The following SPAG16 variants were observed in gnomAD, a reference collection of about 807,000 sequenced individuals.
The protein encoded by SPAG16 is sperm-associated antigen 16 protein.
Under a neutral mutation model 80.4 loss-of-function variants are expected in SPAG16, and 86 were observed. That is an observed-to-expected ratio of 1.07 (90% CI 0.90 to 1.28). The LOEUF (loss-of-function observed/expected upper bound fraction) is 1.28. Among genes scored for constraint, SPAG16 ranks in the 50% most tolerant of loss-of-function variants. The probability of loss-of-function intolerance (pLI) is 0.00; values close to 1 mark genes in which losing one functional copy is unlikely to be tolerated. For missense variants in SPAG16, 870 were observed against 765.3 expected (o/e 1.14, Z -1.61); for synonymous variants, 294 against 265.9 (o/e 1.11, Z -1.03).
chr2:213,509,721 A>G (rs1346739946), intron 10 of SPAG16, among the ~76,000 whole-genome samples: 1 of 152,200 alleles, frequency 6.6e-6, no homozygotes, highest in African/African-American at 2.4e-5. Context: ...AGCATGAAAG[A>G]TCTAAAATTG....
intron 15 of SPAG16, among the ~76,000 whole-genome samples, chr2:214,312,520 T>C (rs1695404958): frequency 6.6e-6 from 1 of 152,160 alleles, no homozygotes; most frequent in Admixed American, 6.5e-5. Context: ...TTATTTAGTA[T>C]AGGTCTAGCA....
chr2:214,077,946 C>A (rs1431669697), intron 13 of SPAG16, among the ~76,000 whole-genome samples: 2 of 152,198 alleles, frequency 1.3e-5, no homozygotes, highest in Admixed American at 6.5e-5. Context: ...CCTCACTTCT[C>A]TTTCTCTCAT....
chr2:213,489,171 A>G (rs781523583), intron 9 of SPAG16, among the ~76,000 whole-genome samples: 4 of 152,252 alleles, frequency 2.6e-5, no homozygotes, highest in Non-Finnish European at 5.9e-5. Flanking sequence ...AATTCATGAT[A>G]TGAGCCTTCT....
intron 10 of SPAG16, among the ~76,000 whole-genome samples, chr2:213,607,758 A>G (rs144212727): frequency 1.1e-3 from 171 of 152,318 alleles, no homozygotes; most frequent in Non-Finnish European, 2.0e-3. Flanking sequence ...TTGGGATTCT[A>G]TCTAGGAGGG....
At chr2:213,901,130 T>C (rs1575498480) in intron 11 of SPAG16, among the ~76,000 whole-genome samples, 1 of 152,318 alleles carries the variant, frequency 6.6e-6, no homozygotes, top group South Asian at 2.1e-4. Context: ...AGGAGTCAGA[T>C]TAATATTTAA....
chr2:213,532,592 G>T (rs1169472520), intron 10 of SPAG16, among the ~76,000 whole-genome samples: 2 of 151,740 alleles, frequency 1.3e-5, no homozygotes, highest in Non-Finnish European at 2.9e-5. Context: ...CTCCTGAGTA[G>T]CTGGGACTAC....
intron 15 of SPAG16, among the ~76,000 whole-genome samples, chr2:214,175,103 T>C (rs2057024229): frequency 6.6e-6 from 1 of 151,290 alleles, no homozygotes; most frequent in Non-Finnish European, 1.5e-5. Context: ...AAATTGATTC[T>C]GCTATCTCTC....
chr2:213,783,101 A>G (rs991209726), intron 10 of SPAG16, among the ~76,000 whole-genome samples: 2 of 139,200 alleles, frequency 1.4e-5, no homozygotes, highest in East Asian at 2.1e-4. Context: ...CCTGTGTCCA[A>G]GTGATCTCAT....
chr2:213,932,147 CATATATATATATATATATATATATATAT>C (rs61264162), intron 12 of SPAG16, among the ~76,000 whole-genome samples: 30 of 30,572 alleles, frequency 9.8e-4, no homozygotes, highest in Non-Finnish European at 1.9e-3. Flanking sequence ...CTTGATACTG[CATATATATATATATATATATATATATAT>C]ATATATATAT....
At chr2:214,100,406 G>C (rs187612142) in intron 13 of SPAG16, among the ~76,000 whole-genome samples, 1 of 151,940 alleles carries the variant, frequency 6.6e-6, no homozygotes, top group Non-Finnish European at 1.5e-5. Flanking sequence ...TTTAGGTTCA[G>C]GGGTACATGT....
At chr2:213,576,398 T>C (rs2060127016) in intron 10 of SPAG16, among the ~76,000 whole-genome samples, 1 of 152,056 alleles carries the variant, frequency 6.6e-6, no homozygotes, top group Non-Finnish European at 1.5e-5. Context: ...ATTCAGCCAT[T>C]GAGGAAGACA....
chr2:213,629,492 G>C (rs1052048250), intron 10 of SPAG16, among the ~76,000 whole-genome samples: 2 of 152,232 alleles, frequency 1.3e-5, no homozygotes, highest in Admixed American at 1.3e-4. Flanking sequence ...AACACAAGGA[G>C]AGAATCCTGA....
chr2:214,236,510 G>A (rs1291369440), intron 15 of SPAG16, among the ~76,000 whole-genome samples: 1 of 151,946 alleles, frequency 6.6e-6, no homozygotes, highest in Non-Finnish European at 1.5e-5. Context: ...AAATTAGCCG[G>A]GCATGGGGGC....
intron 15 of SPAG16, among the ~76,000 whole-genome samples, chr2:214,193,476 C>T (rs902261997): frequency 6.8e-6 from 1 of 147,686 alleles, no homozygotes; most frequent in African/African-American, 2.5e-5. Flanking sequence ...GGGTAGAGCT[C>T]AAAGCTATGT....
chr2:213,355,842 C>T (rs375459832), intron 7 of SPAG16, among the ~76,000 whole-genome samples: 3 of 152,080 alleles, frequency 2.0e-5, no homozygotes, highest in East Asian at 1.9e-4. Context: ...TTTTTCTAAT[C>T]GAATCCCCTT....
In SPAG16 at chr2:213,322,073, TA is replaced by T. The variant is rs2063633173; in HGVS notation, c.536+4722del. 2.1e-5 allele frequency among the ~76,000 whole-genome samples: 3 copies of T among 145,998 alleles called. No homozygotes were observed. The South Asian group carries it at 6.5e-4, about 32-fold the overall frequency. On this transcript the variant is annotated intron_variant, in intron 5 of 15. Coordinates refer to ENST00000331683, the MANE Select transcript of SPAG16 (RefSeq NM_024532.5). The stretch of plus-strand genomic sequence containing the variant: ...ATGTACCCTAAAACTTAAAGTATAA[TA>T]AAAATAAATAAATAAATAAATAAAA...
chr2:214,374,546 C>T (rs890360966), intron 15 of SPAG16, among the ~76,000 whole-genome samples: 2 of 152,156 alleles, frequency 1.3e-5, no homozygotes, highest in African/African-American at 4.8e-5. Context: ...TATTTGGTAT[C>T]ATAAACTCTT....
intron 9 of SPAG16, among the ~76,000 whole-genome samples, chr2:213,425,416 G>A (rs2069851073): frequency 6.6e-6 from 1 of 152,188 alleles, no homozygotes; most frequent in African/African-American, 2.4e-5. Flanking sequence ...TTGGGAGGCT[G>A]AGGTGGGTGG....
chr2:214,281,989 T>G (rs1692974711), intron 15 of SPAG16, among the ~76,000 whole-genome samples: 2 of 152,314 alleles, frequency 1.3e-5, no homozygotes, highest in Admixed American at 1.3e-4. Flanking sequence ...CATCAGTGGC[T>G]TCCTGTAGAG....
Sources: gnomAD v4.1 joint callset for allele counts (sites outside exome capture counted in the v4.1 genomes callset) on GRCh38, gnomAD v4.1.1 for gene constraint, MANE v1.5 for transcripts, NCBI Gene and HGNC (gene_info 2026-07-23, HGNC 2026-07-21) for gene names.